Variants in MOSMO observed in about 807,000 individuals in gnomAD.
The protein encoded by MOSMO is modulator of smoothened protein.
MOSMO carries 5 observed loss-of-function variants against 18.4 expected under a neutral mutation model. That is an observed-to-expected ratio of 0.27 (90% confidence interval 0.14 to 0.57). The LOEUF (loss-of-function observed/expected upper bound fraction) is 0.57. Among genes scored for constraint, MOSMO ranks in the 20% least tolerant of loss-of-function variants. The probability of loss-of-function intolerance (pLI) is 0.92; values close to 1 mark genes in which losing one functional copy is unlikely to be tolerated. For synonymous variants in MOSMO, 82 were observed against 82.3 expected, an observed-to-expected ratio of 1.00 and a Z score of 0.02; for missense variants, 138 against 211.8, an observed-to-expected ratio of 0.65 and a Z score of 2.16.
intron 1 of MOSMO, among the ~76,000 whole-genome samples, chr16:22,071,574 G>A (rs897996965): frequency 3.9e-5 from 6 of 152,176 alleles, no homozygotes; most frequent in Admixed American, 1.3e-4. Flanking sequence ...GATGAGCGTC[G>A]AAGCTTCTTA....
intron 1 of MOSMO, among the ~76,000 whole-genome samples, chr16:22,016,876 T>C (rs1899649220): frequency 6.6e-6 from 1 of 152,182 alleles, no homozygotes; most frequent in South Asian, 2.1e-4. Context: ...CCACAGTGTA[T>C]TGTTAAGATC....
chr16:22,083,012 A>AT lies in MOSMO; in HGVS notation c.*2133dup, dbSNP rs1382731251. ...TCTGATTTGATTGGTCCTCAGTCAAATGGATCACTTTGAAGGAAAGCTTTG... is the reference window on the plus strand; with the variant it reads ...TCTGATTTGATTGGTCCTCAGTCAAATTGGATCACTTTGAAGGAAAGCTTTG... On this transcript the variant is annotated 3_prime_UTR_variant, in exon 3 of 3. Coordinates refer to ENST00000542527, the MANE Select transcript of MOSMO (RefSeq NM_001164579.2). The AT allele has an allele frequency of 6.6e-6, 1 of 152,248 alleles. No individual in the cohort carries two copies. The highest frequency in any genetic ancestry group is 2.4e-5 in the African/African-American group (1 of 41,472). The allele number at this position is 152,248 out of a possible 1,614,324, so 9.4% of individuals were successfully genotyped here.
chr16:22,054,224 T>C (rs528702869), intron 1 of MOSMO, among the ~76,000 whole-genome samples: 2 of 152,214 alleles, frequency 1.3e-5, no homozygotes, highest in Admixed American at 1.3e-4. Flanking sequence ...GCCTCCCTAG[T>C]AACTGGGACT....
intron 1 of MOSMO, among the ~76,000 whole-genome samples, chr16:22,037,204 A>G (rs1043472044): frequency 2.0e-5 from 3 of 152,156 alleles, no homozygotes; most frequent in African/African-American, 7.2e-5. Context: ...CAGGTGTTCA[A>G]GGTTGCAGTG....
chr16:22,044,382 A>G (rs1285696205), intron 1 of MOSMO, among the ~76,000 whole-genome samples: 1 of 152,156 alleles, frequency 6.6e-6, no homozygotes, highest in African/African-American at 2.4e-5. Context: ...GATTGTTCCT[A>G]AGCTTCCTAC....
chr16:22,079,365 T>C (rs977548825), intron 2 of MOSMO, among the ~76,000 whole-genome samples: 2 of 152,206 alleles, frequency 1.3e-5, no homozygotes, highest in African/African-American at 4.8e-5. Context: ...CCAGAGAAAG[T>C]TGAAGGACAA....
chr16:22,069,951 G>A (rs1249580806), intron 1 of MOSMO, among the ~76,000 whole-genome samples: 1 of 152,134 alleles, frequency 6.6e-6, no homozygotes, highest in Non-Finnish European at 1.5e-5. Context: ...AGAAAATAAT[G>A]TATTGGGCAA....
rs1381942048 is a variant in MOSMO at position 22,082,333 on chromosome 16, A to G, written c.*1453A>G. On this transcript the variant is annotated 3_prime_UTR_variant, in exon 3 of 3. Transcript: ENST00000542527. ...CATTGCAGCTAACCCTTGAACTCAC[A>G]GTTTTAAAATACAGTATTTCTCTTC... 1 of 152,196 alleles carries G rather than the reference A, an allele frequency of 6.6e-6. No individual in the cohort carries two copies. Among genetic ancestry groups the G allele is most frequent in the Non-Finnish European group, 1.5e-5 (1 of 68,038 alleles). The allele number at this position is 152,196 out of a possible 1,614,324, so 9.4% of individuals were successfully genotyped here.
chr16:22,092,527 C>A, downstream of MOSMO: 1 of 1,410,346 alleles, frequency 7.1e-7, no homozygotes, highest in South Asian at 1.3e-5. Context: ...TCCCGCAGGG[C>A]AAGCTTCGCT....
downstream of MOSMO, chr16:22,085,067 A>C (rs1016125121): frequency 2.6e-5 from 4 of 152,210 alleles, no homozygotes; most frequent in Non-Finnish European, 5.9e-5. Flanking sequence ...CCAGGCCAAA[A>C]GATCTTAGCT....
intron 1 of MOSMO, among the ~76,000 whole-genome samples, chr16:22,042,841 A>T (rs940668860): frequency 4.6e-5 from 7 of 152,224 alleles, no homozygotes; most frequent in African/African-American, 1.7e-4. Flanking sequence ...AATATATGCA[A>T]CAACTCTGAG....
chr16:22,061,234 C>G (rs1489919274), intron 1 of MOSMO, among the ~76,000 whole-genome samples: 3 of 152,160 alleles, frequency 2.0e-5, no homozygotes. Flanking sequence ...TTTGTCAGAA[C>G]TCATTGAATT....
chr16:22,036,250 C>T (rs780865177), intron 1 of MOSMO, among the ~76,000 whole-genome samples: 8 of 152,044 alleles, frequency 5.3e-5, no homozygotes, highest in East Asian at 1.9e-4. Context: ...CTCAGCCTCT[C>T]GAGTAGCTGG....
chr16:22,089,762 C>T (rs1567519557), downstream of MOSMO, among the ~76,000 whole-genome samples: 1 of 152,040 alleles, frequency 6.6e-6, no homozygotes, highest in Non-Finnish European at 1.5e-5. Flanking sequence ...GAGCTAGGAA[C>T]TCCTGTGTCT....
intron 1 of MOSMO, among the ~76,000 whole-genome samples, chr16:22,009,453 T>G (rs1899470536): frequency 6.6e-6 from 1 of 151,988 alleles, no homozygotes; most frequent in Non-Finnish European, 1.5e-5. Flanking sequence ...TTGGGCCACT[T>G]CTTTCCCTGT....
intron 1 of MOSMO, among the ~76,000 whole-genome samples, chr16:22,028,476 C>T (rs756332297): frequency 6.6e-6 from 1 of 151,662 alleles, no homozygotes. Flanking sequence ...GTTTTACCAC[C>T]GTCACCCCGA....
At chr16:22,022,716 G>A (rs75159198) in intron 1 of MOSMO, among the ~76,000 whole-genome samples, 9,137 of 152,066 alleles carry the variant, frequency 0.06, 860 homozygotes, top group African/African-American at 0.21. Flanking sequence ...CCCCGATATG[G>A]TAGTATTAGG....
chr16:22,008,492 G>C, intron 1 of MOSMO, 85 bp downstream of exon 1: 1 of 877,786 alleles, frequency 1.1e-6, no homozygotes, highest in South Asian at 1.9e-5. Context: ...GAGAGGACGG[G>C]GTGGAGGGTC....
chr16:22,034,805 C>T (rs544034872), intron 1 of MOSMO, among the ~76,000 whole-genome samples: 34 of 120,764 alleles, frequency 2.8e-4, no homozygotes, highest in Middle Eastern at 0.015. Context: ...TTGCCCAGGG[C>T]GGAGTACAGT....
Sources: allele counts gnomAD v4.1 joint callset (sites outside exome capture counted in the v4.1 genomes callset), GRCh38; gene constraint gnomAD v4.1.1; transcripts MANE v1.5; gene names NCBI Gene and HGNC (gene_info 2026-07-23, HGNC 2026-07-21).